The following TRIM14 variants were observed in gnomAD, a reference collection of about 807,000 sequenced individuals.
TRIM14 encodes tripartite motif containing 14.
TRIM14 carries 28 observed loss-of-function variants against 44.5 expected under a neutral mutation model. The observed-to-expected ratio is 0.63, with a 90% CI of 0.47 to 0.86. The LOEUF (loss-of-function observed/expected upper bound fraction) is 0.86. Among genes scored for constraint, TRIM14 ranks in the 40% least tolerant of loss-of-function variants. TRIM14 has a pLI of 0.00. For missense variants in TRIM14, 607 were observed against 611.1 expected (o/e 0.99, Z 0.07); for synonymous variants, 299 against 269.2 (o/e 1.11, Z -1.08).
rs1437271012 is a variant in TRIM14, at chr9:98,085,956, C to T, written c.*1514G>A. On this transcript the variant is annotated 3_prime_UTR_variant, in exon 6 of 6. Transcript: ENST00000341469. ...TCTAGGGAATTGACAAAACAGGACGCAGAACCTTCAGAACGGAGACACAAA... is the reference window on the plus strand; with the variant it reads ...TCTAGGGAATTGACAAAACAGGACGTAGAACCTTCAGAACGGAGACACAAA... The T allele has an allele frequency of 6.6e-6, 1 of 152,180 alleles. No homozygotes were observed. The highest frequency in any genetic ancestry group is 2.4e-5 in the African/African-American group (1 of 41,412). The allele number at this position is 152,180 out of a possible 1,614,324, so 9.4% of individuals were successfully genotyped here. A position where few individuals can be genotyped will look rare whatever the true frequency, so the allele number is the denominator to read the frequency against.
At chr9:98,082,597 G>A (rs879582428), downstream of TRIM14, among the ~76,000 whole-genome samples, 11 of 152,216 alleles carry the variant, frequency 7.2e-5, no homozygotes, top group African/African-American at 2.2e-4. Context: ...ACCTGGCTCC[G>A]CCTACATAGC....
At chr9:98,096,762 C>G (rs150897783) in intron 3 of TRIM14, among the ~76,000 whole-genome samples, 70 of 152,302 alleles carry the variant, frequency 4.6e-4, no homozygotes, top group African/African-American at 1.6e-3. Flanking sequence ...ACCATCATCT[C>G]TCTCCTGGAC....
chr9:98,058,050 G>A, the TRIM14 span, among the ~76,000 whole-genome samples: 1 of 150,218 alleles, frequency 6.7e-6, no homozygotes, highest in African/African-American at 2.5e-5. Flanking sequence ...AGCCTCCCGA[G>A]TAGCTGGGAC....
At chr9:98,079,753 CTT>C (rs1406485167), downstream of TRIM14, among the ~76,000 whole-genome samples, 2 of 152,238 alleles carry the variant, frequency 1.3e-5, no homozygotes, top group East Asian at 1.9e-4. Flanking sequence ...TGTCCTCTCT[CTT>C]GACACTACAC....
At chr9:98,046,947 TG>T in the TRIM14 span, among the ~76,000 whole-genome samples, 1 of 152,172 alleles carries the variant, frequency 6.6e-6, no homozygotes, top group Non-Finnish European at 1.5e-5. Context: ...TAAGGGCTGA[TG>T]GGACAGCTGG....
chr9:98,056,500 C>T, the TRIM14 span, among the ~76,000 whole-genome samples: 1 of 152,136 alleles, frequency 6.6e-6, no homozygotes, highest in Non-Finnish European at 1.5e-5. Context: ...GGTGCACGCA[C>T]GGATACCGCG....
At chr9:98,051,318 G>A in the TRIM14 span, among the ~76,000 whole-genome samples, 33 of 152,230 alleles carry the variant, frequency 2.2e-4, no homozygotes, top group Non-Finnish European at 3.8e-4. Context: ...GAGTCTACTC[G>A]CTTAACTAAG....
chr9:98,043,747 C>T, the TRIM14 span, among the ~76,000 whole-genome samples: 1 of 150,858 alleles, frequency 6.6e-6, no homozygotes, highest in Non-Finnish European at 1.5e-5. Context: ...AAGTTTGGAT[C>T]TAAACAGTGG....
chr9:98,079,240 A>G (rs1443485687), intron 6 of TRIM14, among the ~76,000 whole-genome samples: 1 of 152,214 alleles, frequency 6.6e-6, no homozygotes, highest in African/African-American at 2.4e-5. Context: ...GTCTCACGCC[A>G]TCTCTCTCAG....
chr9:98,070,183 T>C (rs1462153989), intron 6 of TRIM14, among the ~76,000 whole-genome samples: 1 of 152,254 alleles, frequency 6.6e-6, no homozygotes, highest in East Asian at 1.9e-4. Context: ...AGTGGCACGA[T>C]TGTGGCTCAC....
At chr9:98,056,954 T>TC in the TRIM14 span, 3 of 1,566,020 alleles carry the variant, frequency 1.9e-6, no homozygotes, top group East Asian at 7.3e-5. Flanking sequence ...AGGCGGCAGC[T>TC]CCCGGGACCC....
At chr9:98,094,781 T>C in intron 4 of TRIM14, 86 bp downstream of exon 4, 2 of 1,459,522 alleles carry the variant, frequency 1.4e-6, no homozygotes, top group Non-Finnish European at 1.9e-6. Context: ...AGAGACAGGA[T>C]GTAGGGAGAT....
chr9:98,055,654 G>A, the TRIM14 span, among the ~76,000 whole-genome samples: 1 of 152,244 alleles, frequency 6.6e-6, no homozygotes, highest in Middle Eastern at 3.4e-3. Flanking sequence ...TGGCTAATTT[G>A]TTAGTCCTAC....
At position 98,095,035 on chromosome 9, in the gene TRIM14, T is replaced by C; in HGVS notation, c.538-6A>G. 3 of 1,611,524 alleles carry C rather than the reference T, an allele frequency of 1.9e-6. No individual in the cohort carries two copies. The highest frequency in any genetic ancestry group is 2.5e-6 in the Non-Finnish European group (3 of 1,179,244). ...TGCTCGGTGGCCGTGTATGCCTGTG[T>C]GGGCACACGGGGGTGAGGGTGGCTC... On this transcript the variant is annotated splice_region_variant and splice_polypyrimidine_tract_variant and intron_variant, in intron 3 of 5. Coordinates refer to ENST00000341469, the MANE Select transcript of TRIM14 (RefSeq NM_014788.4). The surrounding 1 kb of genome is among the most constrained non-coding windows in gnomAD (Gnocchi z 4.1).
the TRIM14 span, among the ~76,000 whole-genome samples, chr9:98,050,353 T>A: frequency 2.6e-5 from 4 of 152,188 alleles, no homozygotes; most frequent in Non-Finnish European, 4.4e-5. Flanking sequence ...CCAGCATAAA[T>A]ATACTTATTT....
chr9:98,108,348 C>T (rs1181875645), intron 2 of TRIM14, among the ~76,000 whole-genome samples: 2 of 152,138 alleles, frequency 1.3e-5, no homozygotes, highest in African/African-American at 4.8e-5. Context: ...TTGAATGTGG[C>T]ACAACACAAA....
At chr9:98,056,029 C>T in the TRIM14 span, among the ~76,000 whole-genome samples, 57 of 152,180 alleles carry the variant, frequency 3.7e-4, no homozygotes, top group South Asian at 1.2e-3. Context: ...TGTGAGCCAC[C>T]GCGCCCGCCC....
At chr9:98,110,149 G>C (rs182321622) in intron 1 of TRIM14, 165 bp from the exon 2 acceptor site, 1 of 610,638 alleles carries the variant, frequency 1.6e-6, no homozygotes, top group Non-Finnish European at 2.9e-6. Flanking sequence ...GGATGAGCTG[G>C]GACTAGGACA....
chr9:98,040,681 G>A, the TRIM14 span, among the ~76,000 whole-genome samples: 2 of 144,396 alleles, frequency 1.4e-5, no homozygotes, highest in Admixed American at 7.1e-5. Context: ...TTTTTGAGAC[G>A]GAGTCTCGCT....
Sources: allele counts gnomAD v4.1 joint callset (sites outside exome capture counted in the v4.1 genomes callset), GRCh38; gene constraint gnomAD v4.1.1; non-coding constraint Gnocchi (gnomAD v3.1); transcripts MANE v1.5; gene names NCBI Gene and HGNC (gene_info 2026-07-23, HGNC 2026-07-21).